ELF2: variants seen among roughly 807,000 people sequenced by gnomAD.
ELF2 encodes the protein E74 like ETS transcription factor 2, also known as ETS-related transcription factor Elf-2.
A neutral mutation model predicts 54.8 loss-of-function variants in ELF2; 11 were observed. The observed-to-expected ratio is 0.20, with a 90% CI of 0.13 to 0.33. The LOEUF is 0.33. Among genes scored for constraint, ELF2 ranks in the 10% least tolerant of loss-of-function variants. The pLI, the probability that ELF2 is intolerant of heterozygous loss-of-function variation, is 1.00. For synonymous variants in ELF2, 203 were observed against 245.1 expected (o/e 0.83, Z 1.61); for missense variants, 513 against 703.0 (o/e 0.73, Z 3.06).
At chr4:139,080,955 A>C (rs907065105) in intron 4 of ELF2, among the ~76,000 whole-genome samples, 21 of 151,824 alleles carry the variant, frequency 1.4e-4, no homozygotes, top group Non-Finnish European at 2.2e-4. Context: ...AAAAAAAAAA[A>C]AAACCCAAGG....
rs1736849459 is a variant in ELF2, at chr4:139,125,740, T to C, written c.73-411A>G. Among the ~76,000 whole-genome samples, 4 of 136,232 alleles carry C rather than the reference T, an allele frequency of 2.9e-5. No individual in the cohort carries two copies. In the South Asian group the frequency reaches 9.1e-4, roughly 31 times the overall value. The allele number at this position is 136,232 out of a possible 152,430, so 89.4% of individuals were successfully genotyped here. On this transcript the variant is annotated intron_variant, in intron 3 of 9. Coordinates refer to ENST00000686138, the MANE Select transcript of ELF2 (RefSeq NM_001331036.3). ...TGAAAGTGTCTGGATGAGTATGGAG[T>C]GGGTTAGCAGACCCAGCAAAGCCAA...
In ELF2 at chr4:139,062,067, C is replaced by T. The variant is rs747849795; in HGVS notation, c.614-10G>A. On this transcript the variant is annotated splice_polypyrimidine_tract_variant and intron_variant, in intron 7 of 9. Transcript: ENST00000686138. ...AAATAGGTTGTGTTTCCTTTAAAAA[C>T]AATGACAGACATTGATTAAAATTCA... is the stretch of plus-strand genomic sequence containing the variant. The T allele has an allele frequency of 1.2e-6, 2 of 1,605,722 alleles. No individual in the cohort carries two copies. Among genetic ancestry groups the T allele is most frequent in the Non-Finnish European group, 1.7e-6 (2 of 1,176,302 alleles).
At chr4:139,114,775 AG>A (rs1418239935) in intron 4 of ELF2, among the ~76,000 whole-genome samples, 1 of 151,298 alleles carries the variant, frequency 6.6e-6, no homozygotes, top group African/African-American at 2.4e-5. Context: ...TGGAAAACTG[AG>A]GGGGCAGGGG....
chr4:139,176,400 C>A (rs1025055845), intron 1 of ELF2, among the ~76,000 whole-genome samples: 4 of 151,948 alleles, frequency 2.6e-5, no homozygotes, highest in Non-Finnish European at 4.4e-5. Flanking sequence ...GTCCAGCGCC[C>A]CCCCCCGCCT....
At chr4:139,073,705 G>A (rs1729854264) in intron 4 of ELF2, 138 bp from the exon 5 acceptor site, 1 of 425,188 alleles carries the variant, frequency 2.4e-6, no homozygotes, top group Admixed American at 4.3e-5. Flanking sequence ...CTAACTCTAA[G>A]CCATTGATAT....
At chr4:139,137,065 A>G (rs1738256762) in intron 3 of ELF2, 2 of 152,342 alleles carry the variant, frequency 1.3e-5, no homozygotes, top group Non-Finnish European at 2.9e-5. Context: ...TAATTCTTCA[A>G]TGTTATCAAT....
chr4:139,108,349 C>T (rs143135885), intron 4 of ELF2, among the ~76,000 whole-genome samples: 2 of 152,132 alleles, frequency 1.3e-5, no homozygotes, highest in African/African-American at 4.8e-5. Context: ...ATTAAATTAA[C>T]GATAGAAGGG....
chr4:139,144,512 G>C (rs76184901), intron 1 of ELF2, among the ~76,000 whole-genome samples: 1 of 152,132 alleles, frequency 6.6e-6, no homozygotes, highest in Non-Finnish European at 1.5e-5. Context: ...TGAACTGGGC[G>C]GATGACTGGG....
At chr4:139,140,583 G>A (rs62320541) in intron 1 of ELF2, among the ~76,000 whole-genome samples, 3 of 151,810 alleles carry the variant, frequency 2.0e-5, no homozygotes, top group African/African-American at 7.3e-5. Context: ...GGAAACCCCT[G>A]TCTCTACAAA....
chr4:139,106,440 T>C (rs1298857093), intron 4 of ELF2, among the ~76,000 whole-genome samples: 2 of 152,162 alleles, frequency 1.3e-5, no homozygotes, highest in Non-Finnish European at 2.9e-5. Flanking sequence ...CTGGGAACAA[T>C]AGTTTTTTAG....
intron 1 of ELF2, among the ~76,000 whole-genome samples, chr4:139,142,479 G>C (rs987920192): frequency 2.6e-5 from 4 of 152,156 alleles, no homozygotes; most frequent in Non-Finnish European, 4.4e-5. Flanking sequence ...TTTGACTTCA[G>C]AGAGAAGAAA....
chr4:139,134,496 C>T (rs1163540590), intron 3 of ELF2, among the ~76,000 whole-genome samples: 6 of 150,990 alleles, frequency 4.0e-5, no homozygotes, highest in Non-Finnish European at 5.9e-5. Flanking sequence ...ACCTGGGACT[C>T]CAGGTGCATG....
intron 1 of ELF2, among the ~76,000 whole-genome samples, chr4:139,162,183 G>C (rs1741240300): frequency 6.6e-6 from 1 of 150,922 alleles, no homozygotes; most frequent in African/African-American, 2.4e-5. Context: ...TGGGCAATAA[G>C]AGCAAAACTC....
rs750011489 is a variant in ELF2 at position 139,060,518 on chromosome 4, T to C, written c.963A>G (p.Glu321=). 2 of 1,614,240 alleles carry C rather than the reference T, an allele frequency of 1.2e-6. No individual in the cohort carries two copies. The highest frequency in any genetic ancestry group is 1.7e-6 in the Non-Finnish European group (2 of 1,180,048). ...GACTTTCTGCAGACAGTGACACTCG[T>C]TCTAATGATTTTTCATCAGTAGTTC... ...LAGTTDEKSL[E]RVSLSAESLL... The change falls in exon 9 of 10, where the codon GAA becomes GAG. Residue 321 remains glutamate (E), a synonymous_variant. Coordinates refer to ENST00000686138, the MANE Select transcript of ELF2 (RefSeq NM_001331036.3).
intron 4 of ELF2, among the ~76,000 whole-genome samples, chr4:139,097,410 G>C (rs1415127606): frequency 6.6e-6 from 1 of 152,164 alleles, no homozygotes; most frequent in Non-Finnish European, 1.5e-5. Context: ...GAGGTCAGGA[G>C]TTTAAGACCA....
intron 4 of ELF2, among the ~76,000 whole-genome samples, chr4:139,075,575 A>G (rs1385321182): frequency 6.6e-6 from 1 of 152,138 alleles, no homozygotes; most frequent in Non-Finnish European, 1.5e-5. Flanking sequence ...GATTACAGGC[A>G]CATGCCACCA....
chr4:139,148,422 C>T (rs1182545065), intron 1 of ELF2, among the ~76,000 whole-genome samples: 1 of 147,334 alleles, frequency 6.8e-6, no homozygotes, highest in Non-Finnish European at 1.5e-5. Flanking sequence ...TGGGCTCCTC[C>T]TGCCTTGGCC....
intron 6 of ELF2, among the ~76,000 whole-genome samples, chr4:139,071,579 A>G (rs1729516479): frequency 6.6e-6 from 1 of 152,044 alleles, no homozygotes; most frequent in Non-Finnish European, 1.5e-5. Context: ...AAGATGGAGT[A>G]AGACAAGGTG....
At chr4:139,079,380 C>A (rs1304226550) in intron 4 of ELF2, among the ~76,000 whole-genome samples, 1 of 152,180 alleles carries the variant, frequency 6.6e-6, no homozygotes, top group Non-Finnish European at 1.5e-5. Flanking sequence ...GCTCCTAACT[C>A]CTCTGTACAC....
Sources: gnomAD v4.1 joint callset for allele counts (sites outside exome capture counted in the v4.1 genomes callset) on GRCh38, gnomAD v4.1.1 for gene constraint, MANE v1.5 for transcripts, NCBI Gene and HGNC (gene_info 2026-07-23, HGNC 2026-07-21) for gene names.